C1orf87: variants seen among roughly 807,000 people sequenced by gnomAD.
The protein encoded by C1orf87 is chromosome 1 open reading frame 87, also known as uncharacterized protein C1orf87.
In C1orf87, 58 loss-of-function variants were observed where a neutral mutation model predicts 60.5. The observed-to-expected ratio is 0.96, with a 90% confidence interval of 0.78 to 1.19. The LOEUF (loss-of-function observed/expected upper bound fraction) is 1.19. C1orf87 is among the 50% of genes most tolerant of loss of function. The pLI is 0.00. For synonymous variants in C1orf87, 236 were observed against 227.4 expected, an observed-to-expected ratio of 1.04 and a Z score of -0.34; for missense variants, 673 against 638.6, an observed-to-expected ratio of 1.05 and a Z score of -0.58.
chr1:60,014,538 TA>T (rs202180027), intron 8 of C1orf87, among the ~76,000 whole-genome samples: 4 of 151,720 alleles, frequency 2.6e-5, no homozygotes, highest in Non-Finnish European at 1.5e-5. Flanking sequence ...CCTTATATAT[TA>T]AAAAAAACAA....
intron 2 of C1orf87, among the ~76,000 whole-genome samples, chr1:60,067,364 GTGTGATATAGTAT>G (rs1645553888): frequency 6.6e-6 from 1 of 151,904 alleles, no homozygotes. Context: ...ATTCTAACTG[GTGTGATATAGTAT>G]CTCATTCCTG....
chr1:60,070,936 G>A (rs1645580589), intron 2 of C1orf87, among the ~76,000 whole-genome samples: 1 of 152,102 alleles, frequency 6.6e-6, no homozygotes, highest in Admixed American at 6.5e-5. Context: ...AGAGAATAAG[G>A]CTAAACAAAT....
At chr1:59,998,357 A>G (rs1286729862) in intron 10 of C1orf87, among the ~76,000 whole-genome samples, 2 of 152,238 alleles carry the variant, frequency 1.3e-5, no homozygotes, top group South Asian at 2.1e-4. Context: ...GTGGTTTACT[A>G]AGATCACACA....
intron 2 of C1orf87, among the ~76,000 whole-genome samples, chr1:60,068,265 A>G (rs561879562): frequency 5.9e-5 from 9 of 152,316 alleles, no homozygotes; most frequent in African/African-American, 2.2e-4. Flanking sequence ...TTTATTCCAT[A>G]TAACCATTTC....
At chr1:60,022,123 T>C (rs1431572937) in intron 8 of C1orf87, among the ~76,000 whole-genome samples, 1 of 151,442 alleles carries the variant, frequency 6.6e-6, no homozygotes, top group Non-Finnish European at 1.5e-5. Flanking sequence ...TTTTTTTTTT[T>C]TTTTGCCTTC....
At chr1:60,008,910 CTG>C in intron 9 of C1orf87, 1 of 289,130 alleles carries the variant, frequency 3.5e-6, no homozygotes, top group South Asian at 2.9e-5. Flanking sequence ...CTAGAACCAT[CTG>C]TGTGGTGACA....
Sources: gnomAD v4.1 joint callset for allele counts (sites outside exome capture counted in the v4.1 genomes callset) on GRCh38, gnomAD v4.1.1 for gene constraint, MANE v1.5 for transcripts, NCBI Gene and HGNC (gene_info 2026-07-23, HGNC 2026-07-21) for gene names.